Variants in TTC27 observed in about 807,000 individuals in gnomAD.
The protein encoded by TTC27 is tetratricopeptide repeat domain 27, also known as tetratricopeptide repeat protein 27.
TTC27 carries 79 observed loss-of-function variants against 115.9 expected under a neutral mutation model. That is an observed-to-expected ratio of 0.68 (90% confidence interval 0.57 to 0.82). TTC27 has a LOEUF of 0.82. TTC27 is among the 40% of genes least tolerant of loss of function. TTC27 has a pLI of 0.00. For missense variants in TTC27, 1,054 were observed against 993.1 expected (o/e 1.06, Z -0.82); for synonymous variants, 401 against 356.0 (o/e 1.13, Z -1.42).
intron 7 of TTC27, among the ~76,000 whole-genome samples, chr2:32,669,254 A>C (rs1313323646): frequency 6.6e-6 from 1 of 152,132 alleles, no homozygotes; most frequent in Non-Finnish European, 1.5e-5. Flanking sequence ...AGCCTCCCAA[A>C]ACTGTTGGGA....
chr2:32,820,136 G>A (rs945494848), intron 19 of TTC27, among the ~76,000 whole-genome samples: 17 of 152,160 alleles, frequency 1.1e-4, no homozygotes, highest in African/African-American at 3.6e-4. Context: ...ATACACAGTC[G>A]CATGTACACA....
At chr2:32,786,220 CA>C (rs1451785383) in intron 15 of TTC27, among the ~76,000 whole-genome samples, 8 of 152,048 alleles carry the variant, frequency 5.3e-5, no homozygotes, top group African/African-American at 1.9e-4. Flanking sequence ...TTCCCAGGTT[CA>C]AGTGATTCTT....
chr2:32,751,018 G>A (rs759385418), intron 12 of TTC27, among the ~76,000 whole-genome samples: 5 of 152,260 alleles, frequency 3.3e-5, no homozygotes, highest in African/African-American at 1.2e-4. Flanking sequence ...GATAGGACAA[G>A]CATACTTCTC....
chr2:32,818,058 CAA>C (rs777610277), intron 19 of TTC27, among the ~76,000 whole-genome samples: 7 of 133,018 alleles, frequency 5.3e-5, no homozygotes, highest in Admixed American at 7.6e-5. Flanking sequence ...TACCATGTCC[CAA>C]AAAAAAAAAA....
At position 32,672,278 on chromosome 2, in the gene TTC27, G is replaced by T. The variant is rs757184099; in HGVS notation, c.946G>T (p.Glu316Ter). ...TPQEHLTKNL[E>*]LNDDTILNDI... ...TTCTTTTGTATTCTACTAGAATCTT[G>T]AGCTCAATGATGACACCATTCTGAA... Residue 316 changes from glutamate (E) to a stop codon, truncating the protein, a stop_gained, in exon 8 of 20, where the codon GAG (glutamate) becomes TAG (stop). Transcript: ENST00000317907. LOFTEE classifies it high-confidence loss of function. 5 of 1,611,636 alleles carry T rather than the reference G, an allele frequency of 3.1e-6. No homozygotes were observed. Among genetic ancestry groups the T allele is most frequent in the Non-Finnish European group, 4.2e-6 (5 of 1,178,638 alleles).
At chr2:32,656,068 A>C (rs1665303966) in intron 5 of TTC27, among the ~76,000 whole-genome samples, 1 of 152,042 alleles carries the variant, frequency 6.6e-6, no homozygotes, top group Admixed American at 6.6e-5. Context: ...TACTGGCTTG[A>C]GTTTTCTAAA....
rs1025641663 is a variant in TTC27 at position 32,743,599 on chromosome 2, C to A, written c.1452+6783C>A. ...CATACCTGAAATTCTCAGTTCTCAA[C>A]ACTGGACTGTTCTATCGCAAAATAC... On this transcript the variant is annotated intron_variant, in intron 12 of 19. Coordinates refer to ENST00000317907, the MANE Select transcript of TTC27 (RefSeq NM_017735.5). 4.6e-5 allele frequency among the ~76,000 whole-genome samples: 7 copies of A among 152,156 alleles called. No homozygotes were observed. In the East Asian group the frequency reaches 1.3e-3, roughly 29 times the overall value.
At position 32,661,623 on chromosome 2, in the gene TTC27, C is replaced by A. The variant is rs138038736; in HGVS notation, c.641-2680C>A. ...GATTTTTGTAGATTGATTTTGTATC[C>A]TGAGACTTTGCTGAAGTTGCTTATC... On this transcript the variant is annotated intron_variant, in intron 5 of 19. Coordinates refer to ENST00000317907, the MANE Select transcript of TTC27 (RefSeq NM_017735.5). 9.7e-3 allele frequency among the ~76,000 whole-genome samples: 1,477 copies of A among 152,282 alleles called. 13 individuals are homozygous for A. Among genetic ancestry groups the A allele is most frequent in the Middle Eastern group, 0.031 (9 of 294 alleles).
chr2:32,743,228 A>G lies in TTC27; in HGVS notation c.1452+6412A>G, dbSNP rs369298675. Among the ~76,000 whole-genome samples, 6 of 152,306 alleles carry G rather than the reference A, an allele frequency of 3.9e-5. No homozygotes were observed. The East Asian group carries it at 9.6e-4, about 24-fold the overall frequency. On this transcript the variant is annotated intron_variant, in intron 12 of 19. Coordinates refer to ENST00000317907, the MANE Select transcript of TTC27 (RefSeq NM_017735.5). ...ACACATTAGAATTTTAATTCTTTCCATTAATTCACAAAATTTCCGCTAATT... is the reference window on the plus strand; with the variant it reads ...ACACATTAGAATTTTAATTCTTTCCGTTAATTCACAAAATTTCCGCTAATT...
At chr2:32,783,364 A>G (rs1266469621) in intron 15 of TTC27, among the ~76,000 whole-genome samples, 3 of 152,232 alleles carry the variant, frequency 2.0e-5, no homozygotes, top group Non-Finnish European at 2.9e-5. Flanking sequence ...CTTAGGCAAG[A>G]GAAATGATGT....
intron 4 of TTC27, among the ~76,000 whole-genome samples, chr2:32,647,382 A>G (rs892337503): frequency 6.6e-6 from 1 of 152,218 alleles, no homozygotes; most frequent in African/African-American, 2.4e-5. Flanking sequence ...ATTGAGATGT[A>G]AACTGACTTC....
intron 8 of TTC27, among the ~76,000 whole-genome samples, chr2:32,675,382 G>C (rs1047949229): frequency 6.6e-6 from 1 of 152,142 alleles, no homozygotes; most frequent in Non-Finnish European, 1.5e-5. Context: ...GCTATATTGA[G>C]GTAAACTTTA....
intron 15 of TTC27, among the ~76,000 whole-genome samples, chr2:32,783,613 G>A (rs1418025156): frequency 6.6e-6 from 1 of 152,228 alleles, no homozygotes; most frequent in Admixed American, 6.5e-5. Flanking sequence ...GATTTATCTG[G>A]TGGCAGTATA....
intron 3 of TTC27, among the ~76,000 whole-genome samples, chr2:32,634,334 A>G (rs1245422206): frequency 6.6e-6 from 1 of 151,682 alleles, no homozygotes; most frequent in Non-Finnish European, 1.5e-5. Flanking sequence ...TCACTCAGTC[A>G]TCCAGGCTGT....
At chr2:32,704,012 C>T (rs66560460) in intron 10 of TTC27, among the ~76,000 whole-genome samples, 18,608 of 152,114 alleles carry the variant, frequency 0.12, 1,343 homozygotes, top group Middle Eastern at 0.24. Flanking sequence ...GAGAGTGAAC[C>T]CATCCTTTTA....
rs1056279756 is a variant in TTC27, at chr2:32,755,570, T to TTGGAAAGAGAGGGAGAGGGAGACGG, written c.1453-2698_1453-2674dup. Among the ~76,000 whole-genome samples, 270 of 151,330 alleles carry TTGGAAAGAGAGGGAGAGGGAGACGG rather than the reference T, an allele frequency of 1.8e-3. 1 individual carries two copies. Among genetic ancestry groups the TTGGAAAGAGAGGGAGAGGGAGACGG allele is most frequent in the Non-Finnish European group, 2.9e-3 (198 of 67,748 alleles). On this transcript the variant is annotated intron_variant, in intron 12 of 19. Coordinates refer to ENST00000317907, the MANE Select transcript of TTC27 (RefSeq NM_017735.5). ...TTCGGCTCGGCATCAGAGGGAGACC[T>TTGGAAAGAGAGGGAGAGGGAGACGG]TGGAAAGAGAGGGAGAGGGAGACGG...
rs76544999 is a variant in TTC27 at position 32,652,591 on chromosome 2, G to C, written c.640+2358G>C. Among the ~76,000 whole-genome samples the C allele has an allele frequency of 3.3e-4, 50 of 152,136 alleles. 1 individual carries two copies. In the East Asian group the frequency reaches 9.5e-3, roughly 29 times the overall value. ...GTCATTTGCTTTACCTTGCAACTAA[G>C]AATTTTTTATGTTGCTGTTCTAGGC... On this transcript the variant is annotated intron_variant, in intron 5 of 19. Coordinates refer to ENST00000317907, the MANE Select transcript of TTC27 (RefSeq NM_017735.5).
intron 9 of TTC27, among the ~76,000 whole-genome samples, chr2:32,693,261 G>A (rs944293914): frequency 6.6e-6 from 1 of 152,164 alleles, no homozygotes; most frequent in Non-Finnish European, 1.5e-5. Context: ...AGCTGGAGGG[G>A]AGGACTTCTG....
chr2:32,674,091 A>G (rs1026172394), intron 8 of TTC27, among the ~76,000 whole-genome samples: 10 of 152,154 alleles, frequency 6.6e-5, no homozygotes, highest in African/African-American at 2.4e-4. Context: ...AAGCTATAAT[A>G]TTGATACCAG....
Sources: gnomAD v4.1 joint callset for allele counts (sites outside exome capture counted in the v4.1 genomes callset) on GRCh38, gnomAD v4.1.1 for gene constraint, MANE v1.5 for transcripts, NCBI Gene and HGNC (gene_info 2026-07-23, HGNC 2026-07-21) for gene names.